SSBP2: variants seen among roughly 807,000 people sequenced by gnomAD.
The protein encoded by SSBP2 is single-stranded DNA-binding protein 2.
A neutral mutation model predicts 61.8 loss-of-function variants in SSBP2; 17 were observed. The observed-to-expected ratio is 0.28, with a 90% CI of 0.19 to 0.41. The LOEUF is 0.41. SSBP2 is among the 10% of genes least tolerant of loss of function. The pLI, the probability that SSBP2 is intolerant of heterozygous loss-of-function variation, is 1.00. For missense variants in SSBP2, 310 were observed against 458.7 expected, an observed-to-expected ratio of 0.68 and a Z score of 2.96; for synonymous variants, 139 against 141.3, an observed-to-expected ratio of 0.98 and a Z score of 0.12.
At chr5:81,453,262 G>C (rs185374427) in intron 10 of SSBP2, among the ~76,000 whole-genome samples, 4 of 152,020 alleles carry the variant, frequency 2.6e-5, no homozygotes, top group African/African-American at 9.7e-5. Context: ...TGCACCACTT[G>C]CACCACTGCA....
At chr5:81,615,614 C>G in intron 3 of SSBP2, 57 bp from the exon 4 acceptor site, 2 of 1,141,360 alleles carry the variant, frequency 1.8e-6, no homozygotes, top group Non-Finnish European at 2.6e-6. Flanking sequence ...TATGAGAAAT[C>G]ACAATTCCAA....
intron 5 of SSBP2, among the ~76,000 whole-genome samples, chr5:81,510,480 A>T (rs2154080384): frequency 6.6e-6 from 1 of 152,282 alleles, no homozygotes; most frequent in East Asian, 1.9e-4. Context: ...TACTTGGAGT[A>T]GGCTGGGCAC....
chr5:81,747,818 C>A (rs563017451), intron 1 of SSBP2, among the ~76,000 whole-genome samples: 1 of 152,082 alleles, frequency 6.6e-6, no homozygotes, highest in South Asian at 2.1e-4. Flanking sequence ...ATCACAATTG[C>A]GATTAGTGTT....
chr5:81,638,266 GAAAA>G (rs909308692), intron 2 of SSBP2, among the ~76,000 whole-genome samples: 2 of 145,992 alleles, frequency 1.4e-5, no homozygotes, highest in Non-Finnish European at 3.0e-5. Context: ...TAATAAATTT[GAAAA>G]AAAAGGATCC....
At chr5:81,469,010 A>G (rs1393182572) in intron 8 of SSBP2, among the ~76,000 whole-genome samples, 1 of 152,006 alleles carries the variant, frequency 6.6e-6, no homozygotes, top group Non-Finnish European at 1.5e-5. Context: ...ATGTTTCACA[A>G]GAAAAGTCTC....
intron 1 of SSBP2, among the ~76,000 whole-genome samples, chr5:81,664,915 C>T (rs1046117096): frequency 5.3e-5 from 8 of 152,086 alleles, no homozygotes; most frequent in African/African-American, 1.9e-4. Context: ...TGTTCCACTG[C>T]TCTATGTGTC....
chr5:81,663,872 C>A (rs971484859), intron 1 of SSBP2, among the ~76,000 whole-genome samples: 13 of 152,058 alleles, frequency 8.5e-5, no homozygotes, highest in African/African-American at 3.1e-4. Context: ...TAGCATTTTG[C>A]CATTTTCTAA....
At chr5:81,493,321 AT>A (rs1236832973) in intron 5 of SSBP2, among the ~76,000 whole-genome samples, 3 of 151,806 alleles carry the variant, frequency 2.0e-5, no homozygotes, top group Non-Finnish European at 4.4e-5. Context: ...GTCTTGCTCC[AT>A]TGTCCAGGCT....
intron 1 of SSBP2, among the ~76,000 whole-genome samples, chr5:81,743,419 A>G (rs893542410): frequency 1.3e-5 from 2 of 152,164 alleles, no homozygotes; most frequent in Non-Finnish European, 2.9e-5. Context: ...CATTCTCTAC[A>G]CTACATCACA....
chr5:81,488,406 T>TA (rs1766594177), intron 6 of SSBP2, among the ~76,000 whole-genome samples: 1 of 152,144 alleles, frequency 6.6e-6, no homozygotes, highest in Non-Finnish European at 1.5e-5. Flanking sequence ...TTTTTGATAA[T>TA]AGCCATCCTT....
intron 6 of SSBP2, among the ~76,000 whole-genome samples, chr5:81,477,720 C>A (rs1433449004): frequency 6.6e-6 from 1 of 151,718 alleles, no homozygotes; most frequent in Non-Finnish European, 1.5e-5. Flanking sequence ...TAAATACTAC[C>A]ATGACTTGTT....
At chr5:81,568,540 T>C (rs1773608163) in intron 4 of SSBP2, among the ~76,000 whole-genome samples, 1 of 152,210 alleles carries the variant, frequency 6.6e-6, no homozygotes, top group African/African-American at 2.4e-5. Flanking sequence ...GATTATAAAC[T>C]GAATCCTTAT....
chr5:81,494,197 TG>T (rs1767119963), intron 5 of SSBP2, among the ~76,000 whole-genome samples: 1 of 152,196 alleles, frequency 6.6e-6, no homozygotes, highest in Admixed American at 6.5e-5. Context: ...TGATAGAACA[TG>T]TAGTGCTATG....
At chr5:81,641,822 T>C (rs529170186) in intron 2 of SSBP2, among the ~76,000 whole-genome samples, 45 of 152,108 alleles carry the variant, frequency 3.0e-4, no homozygotes, top group Non-Finnish European at 5.1e-4. Context: ...TTAAAAAGAA[T>C]GAAATACAGC....
chr5:81,486,032 T>C (rs1028545739), intron 6 of SSBP2, among the ~76,000 whole-genome samples: 5 of 152,176 alleles, frequency 3.3e-5, no homozygotes, highest in African/African-American at 4.8e-5. Flanking sequence ...GTTTGGATGA[T>C]AGCTGTTTGA....
At chr5:81,663,063 T>C (rs926656629) in intron 1 of SSBP2, among the ~76,000 whole-genome samples, 2 of 152,204 alleles carry the variant, frequency 1.3e-5, no homozygotes, top group Admixed American at 6.5e-5. Flanking sequence ...TTTACTCAAT[T>C]CTTTCTATGG....
intron 14 of SSBP2, 102 bp downstream of exon 14, chr5:81,440,456 G>T (rs1213827624): frequency 4.5e-6 from 4 of 889,702 alleles, no homozygotes; most frequent in East Asian, 2.6e-5. Context: ...ATTTAAAAAT[G>T]AGTAGCTGGC....
chr5:81,682,041 C>T (rs1752426972), intron 1 of SSBP2, among the ~76,000 whole-genome samples: 1 of 152,112 alleles, frequency 6.6e-6, no homozygotes, highest in Admixed American at 6.5e-5. Context: ...TAGGCCTATA[C>T]CTGTATTAGA....
At chr5:81,740,636 G>A (rs1013952588) in intron 1 of SSBP2, among the ~76,000 whole-genome samples, 3 of 152,026 alleles carry the variant, frequency 2.0e-5, no homozygotes, top group African/African-American at 4.8e-5. Context: ...ATAATTACAG[G>A]ATCCTTTTTT....
Sources: gnomAD v4.1 joint callset for allele counts (sites outside exome capture counted in the v4.1 genomes callset) on GRCh38, gnomAD v4.1.1 for gene constraint, MANE v1.5 for transcripts, NCBI Gene and HGNC (gene_info 2026-07-23, HGNC 2026-07-21) for gene names.